Variants in RPS6KA2 observed in about 807,000 individuals in gnomAD.
RPS6KA2 encodes ribosomal protein S6 kinase A2, also known as ribosomal protein S6 kinase alpha-2.
In RPS6KA2, 42 loss-of-function variants were observed where a neutral mutation model predicts 91.8. The ratio of observed to expected loss-of-function variants is 0.46; its 90% CI spans 0.36 to 0.59. RPS6KA2 has a LOEUF of 0.59. Ranked by LOEUF, RPS6KA2 falls within the 20% of genes least tolerant of loss-of-function variation. The pLI is 0.00. For synonymous variants in RPS6KA2, 414 were observed against 393.6 expected, an observed-to-expected ratio of 1.05 and a Z score of -0.61; for missense variants, 798 against 978.5, an observed-to-expected ratio of 0.82 and a Z score of 2.46.
intron 2 of RPS6KA2, among the ~76,000 whole-genome samples, chr6:166,815,307 T>G (rs1042729642): frequency 6.6e-6 from 1 of 152,242 alleles, no homozygotes; most frequent in East Asian, 1.9e-4. Context: ...CGAGGGTCAC[T>G]GAGGCACAGG....
intron 10 of RPS6KA2, among the ~76,000 whole-genome samples, chr6:166,477,959 G>A (rs1781038966): frequency 6.6e-6 from 1 of 152,232 alleles, no homozygotes; most frequent in African/African-American, 2.4e-5. Flanking sequence ...CGCTTCGATT[G>A]CTGCAAGAAT....
intron 2 of RPS6KA2, among the ~76,000 whole-genome samples, chr6:166,688,856 A>G (rs1446772283): frequency 1.3e-5 from 2 of 152,252 alleles, no homozygotes; most frequent in African/African-American, 2.4e-5. Context: ...GCAAAATGAG[A>G]TCGTAATTGT....
intron 2 of RPS6KA2, among the ~76,000 whole-genome samples, chr6:166,700,349 A>AC (rs1789472699): frequency 1.3e-5 from 2 of 152,146 alleles, no homozygotes; most frequent in Non-Finnish European, 2.9e-5. Context: ...GCCTCAAAAA[A>AC]CCCTGAAATT....
chr6:166,782,968 T>C (rs1029138813), intron 2 of RPS6KA2, among the ~76,000 whole-genome samples: 1 of 152,044 alleles, frequency 6.6e-6, no homozygotes, highest in Non-Finnish European at 1.5e-5. Flanking sequence ...GGATAGCTAA[T>C]TTGTGTCCAC....
Position 166,411,221 on chromosome 6 carries a change from T to A in RPS6KA2, c.*1541A>T, listed in dbSNP as rs750653241. 3 of 151,804 alleles carry A rather than the reference T, an allele frequency of 2.0e-5. No homozygotes were observed. The highest frequency in any genetic ancestry group is 4.4e-5 in the Non-Finnish European group (3 of 67,938). 9.4% of individuals were successfully genotyped at this position (151,804 alleles called of 1,614,324 possible). On this transcript the variant is annotated 3_prime_UTR_variant, in exon 21 of 21. Transcript: ENST00000265678. The surrounding 1 kb of genome is among the most constrained non-coding windows in gnomAD (Gnocchi z 4.5). ...GAACGCAGCACATTTTTTCTTTATTTTTTTTTTTTTAGTTGGGTACGAGAA... is the reference window on the plus strand; with the variant it reads ...GAACGCAGCACATTTTTTCTTTATTATTTTTTTTTTAGTTGGGTACGAGAA...
At chr6:166,816,391 C>CAAAGAA (rs1779763978) in intron 2 of RPS6KA2, among the ~76,000 whole-genome samples, 1 of 120,078 alleles carries the variant, frequency 8.3e-6, no homozygotes, top group Admixed American at 8.8e-5. Flanking sequence ...ACTAAAAATA[C>CAAAGAA]AAAAAAAAAA....
intron 2 of RPS6KA2, among the ~76,000 whole-genome samples, chr6:166,706,340 G>A (rs543644887): frequency 1.3e-5 from 2 of 152,334 alleles, no homozygotes; most frequent in African/African-American, 4.8e-5. Flanking sequence ...TTCACAGCAA[G>A]AGAAATGTAA....
rs191104232 is a variant in RPS6KA2, at chr6:166,533,254, C to T, written c.217-1941G>A. ...ACTCCTTTCATTTCTCCAGCCCGTC[C>T]GTGTGCCTAATGTCCCTAGGTTGAC... On this transcript the variant is annotated intron_variant, in intron 2 of 20. Coordinates refer to ENST00000265678, the MANE Select transcript of RPS6KA2 (RefSeq NM_021135.6). The surrounding 1 kb of genome is among the most constrained non-coding windows in gnomAD (Gnocchi z 4.0). Among the ~76,000 whole-genome samples the T allele has an allele frequency of 1.4e-4, 22 of 152,338 alleles. No individual in the cohort carries two copies. Among genetic ancestry groups the T allele is most frequent in the African/African-American group, 3.1e-4 (13 of 41,582 alleles).
chr6:166,454,358 C>T lies in RPS6KA2; in HGVS notation c.1076-3125G>A, dbSNP rs776241759. Among the ~76,000 whole-genome samples, 12 of 152,058 alleles carry T rather than the reference C, an allele frequency of 7.9e-5. No individual in the cohort carries two copies. In the South Asian group the frequency reaches 2.1e-3, roughly 26 times the overall value. ...ATTAAAAATACAAAAATTAGCCAGG[C>T]GGGGTGGCGCACGCCTGTAATCCCA... On this transcript the variant is annotated intron_variant, in intron 12 of 20. Coordinates refer to ENST00000265678, the MANE Select transcript of RPS6KA2 (RefSeq NM_021135.6).
At chr6:166,777,836 T>TGA (rs201379388) in intron 2 of RPS6KA2, among the ~76,000 whole-genome samples, 1 of 151,708 alleles carries the variant, frequency 6.6e-6, no homozygotes, top group Admixed American at 6.6e-5. Context: ...TTTGCAATTG[T>TGA]GAGAGAGAGA....
At chr6:166,463,747 G>A (rs1272185664) in intron 11 of RPS6KA2, among the ~76,000 whole-genome samples, 4 of 152,198 alleles carry the variant, frequency 2.6e-5, no homozygotes, top group Non-Finnish European at 4.4e-5. Context: ...CTCCAATAAG[G>A]CAAAGGGCAC....
At chr6:166,758,345 A>G (rs1778077110) in intron 2 of RPS6KA2, among the ~76,000 whole-genome samples, 1 of 152,204 alleles carries the variant, frequency 6.6e-6, no homozygotes, top group East Asian at 1.9e-4. Flanking sequence ...TTCCCGGGCT[A>G]ACTCGGAATA....
In RPS6KA2 at chr6:166,603,803, C is replaced by T. The variant is rs943274736; in HGVS notation, c.99+23118G>A. 2.6e-5 allele frequency among the ~76,000 whole-genome samples: 4 copies of T among 152,184 alleles called. No individual in the cohort carries two copies. Among genetic ancestry groups the T allele is most frequent in the African/African-American group, 9.7e-5 (4 of 41,446 alleles). Reference sequence around the variant, plus strand: ...GGTGTATCAAATAAATGCCCCCGTACTGTTGTTTGCGATAACAAGTCAGGG... The same window carrying T: ...GGTGTATCAAATAAATGCCCCCGTATTGTTGTTTGCGATAACAAGTCAGGG... On this transcript the variant is annotated intron_variant, in intron 1 of 20. Transcript: ENST00000265678. The surrounding 1 kb of genome is among the most constrained non-coding windows in gnomAD (Gnocchi z 4.3).
intron 2 of RPS6KA2, among the ~76,000 whole-genome samples, chr6:166,723,304 G>A (rs542146900): frequency 6.6e-5 from 10 of 152,378 alleles, no homozygotes; most frequent in Non-Finnish European, 1.2e-4. Flanking sequence ...CAGTGAAGAA[G>A]GTGGCCTAGG....
chr6:166,679,463 CAATAAT>C (rs532173335), intron 2 of RPS6KA2, among the ~76,000 whole-genome samples: 1 of 151,560 alleles, frequency 6.6e-6, no homozygotes, highest in South Asian at 2.1e-4. Flanking sequence ...GACTCCATCT[CAATAAT>C]AATAATAATA....
intron 2 of RPS6KA2, among the ~76,000 whole-genome samples, chr6:166,787,324 T>C (rs1778958803): frequency 6.6e-6 from 1 of 152,166 alleles, no homozygotes; most frequent in Non-Finnish European, 1.5e-5. Context: ...CTTTTAAAAA[T>C]ATTTAAGTGT....
chr6:166,781,322 TA>T (rs1778765222), intron 2 of RPS6KA2, among the ~76,000 whole-genome samples: 2 of 152,372 alleles, frequency 1.3e-5, no homozygotes, highest in Non-Finnish European at 1.5e-5. Context: ...GATGACTTCT[TA>T]ACGTCAGTGG....
At chr6:166,797,481 G>A (rs1371752225) in intron 2 of RPS6KA2, among the ~76,000 whole-genome samples, 2 of 152,068 alleles carry the variant, frequency 1.3e-5, no homozygotes, top group African/African-American at 4.8e-5. Flanking sequence ...AACATAAACA[G>A]CCTATTCACA....
intron 2 of RPS6KA2, among the ~76,000 whole-genome samples, chr6:166,690,756 TA>T (rs1469122090): frequency 6.6e-6 from 1 of 152,134 alleles, no homozygotes; most frequent in Non-Finnish European, 1.5e-5. Context: ...TCCTCAGCTA[TA>T]AAACGGACGT....
Sources: gnomAD v4.1 joint callset for allele counts (sites outside exome capture counted in the v4.1 genomes callset) on GRCh38, gnomAD v4.1.1 for gene constraint, Gnocchi (gnomAD v3.1) non-coding constraint, MANE v1.5 for transcripts, NCBI Gene and HGNC (gene_info 2026-07-23, HGNC 2026-07-21) for gene names.